Variants in NDUFAF7 observed in about 807,000 individuals in gnomAD.
NDUFAF7 encodes the protein protein arginine methyltransferase NDUFAF7, mitochondrial.
Under a neutral mutation model 47.2 loss-of-function variants are expected in NDUFAF7, and 48 were observed. The observed-to-expected ratio is 1.02, with a 90% CI of 0.81 to 1.29. The LOEUF (loss-of-function observed/expected upper bound fraction) is 1.29. Among genes scored for constraint, NDUFAF7 ranks in the 50% most tolerant of loss-of-function variants. The probability of loss-of-function intolerance (pLI) is 0.00; values close to 1 mark genes in which losing one functional copy is unlikely to be tolerated. For synonymous variants in NDUFAF7, 217 were observed against 190.0 expected, an observed-to-expected ratio of 1.14 and a Z score of -1.17; for missense variants, 635 against 537.6, an observed-to-expected ratio of 1.18 and a Z score of -1.79.
At chr2:37,232,288 G>T in intron 2 of NDUFAF7, 22 bp downstream of exon 2, 1 of 1,612,184 alleles carries the variant, frequency 6.2e-7, no homozygotes, top group Non-Finnish European at 8.5e-7. Context: ...GTAGCCCGAG[G>T]ACTAGGCCCT....
chr2:37,248,711 T>TA lies in NDUFAF7; in HGVS notation c.*364dup, dbSNP rs554726900. 1.2e-3 allele frequency: 366 copies of TA among 316,946 alleles called. 7 individuals are homozygous for TA. Among genetic ancestry groups the TA allele is most frequent in the South Asian group, 0.01 (357 of 35,352 alleles). 19.6% of individuals were successfully genotyped at this position (316,946 alleles called of 1,614,324 possible). A position where few individuals can be genotyped will look rare whatever the true frequency, so the allele number is the denominator to read the frequency against. On this transcript the variant is annotated 3_prime_UTR_variant, in exon 10 of 10. Coordinates refer to ENST00000002125, the MANE Select transcript of NDUFAF7 (RefSeq NM_144736.5). ...GGGCATATCACCTGAGGTCAGCAGT[T>TA]AAAGACCAGCCTGACCAAAATGGAG...
At chr2:37,254,156 GA>G (rs745782271), downstream of NDUFAF7, 2 of 1,379,350 alleles carry the variant, frequency 1.4e-6, no homozygotes, top group Admixed American at 3.4e-5. Context: ...AAATCAGAGT[GA>G]ACTACTCAAA....
At chr2:37,259,562 A>G in the NDUFAF7 span, 3 of 1,556,430 alleles carry the variant, frequency 1.9e-6, no homozygotes, top group Non-Finnish European at 2.6e-6. Context: ...ATCATTTAAA[A>G]GGTTCTGGAG....
chr2:37,256,686 G>T, downstream of NDUFAF7: 3 of 1,364,696 alleles, frequency 2.2e-6, no homozygotes. Flanking sequence ...TCTCTCCATG[G>T]ATTTGGTGGG....
At chr2:37,239,988 G>A (rs931686629) in intron 4 of NDUFAF7, among the ~76,000 whole-genome samples, 1 of 152,070 alleles carries the variant, frequency 6.6e-6, no homozygotes, top group Non-Finnish European at 1.5e-5. Flanking sequence ...ATCAGTCTAC[G>A]TACTATTTTA....
At chr2:37,253,803 C>A (rs988870864), downstream of NDUFAF7, among the ~76,000 whole-genome samples, 4 of 152,150 alleles carry the variant, frequency 2.6e-5, no homozygotes, top group African/African-American at 9.7e-5. Context: ...CCTCCTTACT[C>A]TGAAGTTTGG....
chr2:37,242,045 A>G, intron 5 of NDUFAF7: 1 of 530,328 alleles, frequency 1.9e-6, no homozygotes, highest in East Asian at 3.3e-5. Context: ...TGTACTTTTG[A>G]GTATTTCCCT....
chr2:37,245,113 A>T (rs1666767917), intron 7 of NDUFAF7, among the ~76,000 whole-genome samples: 1 of 152,230 alleles, frequency 6.6e-6, no homozygotes, highest in South Asian at 2.1e-4. Context: ...AGTTATATTT[A>T]ATCCTCACAA....
chr2:37,266,837 A>G, the NDUFAF7 span, among the ~76,000 whole-genome samples: 1 of 152,316 alleles, frequency 6.6e-6, no homozygotes, highest in East Asian at 1.9e-4. Context: ...TGCAAAAACT[A>G]TATAACGTAC....
At chr2:37,257,024 A>T, downstream of NDUFAF7, 1 of 1,310,004 alleles carries the variant, frequency 7.6e-7, no homozygotes, top group Non-Finnish European at 1.1e-6. Flanking sequence ...ATTTCAACAT[A>T]CTTGCCAGCT....
chr2:37,268,707 A>T, the NDUFAF7 span: 1 of 174,514 alleles, frequency 5.7e-6, no homozygotes, highest in Non-Finnish European at 1.2e-5. Flanking sequence ...AGACAAAGGG[A>T]TGGAGAAGGA....
At chr2:37,241,464 ATC>A (rs754022145) in intron 4 of NDUFAF7, 112 bp from the exon 5 acceptor site, 280 of 891,268 alleles carry the variant, frequency 3.1e-4, no homozygotes, top group Non-Finnish European at 4.4e-4. Context: ...TAAGGAACAC[ATC>A]TCTCTGAAAT....
chr2:37,249,558 G>C (rs1255726100), downstream of NDUFAF7, among the ~76,000 whole-genome samples: 8 of 128,422 alleles, frequency 6.2e-5, no homozygotes, highest in East Asian at 2.1e-4. Flanking sequence ...GCCTGTGATA[G>C]ACACACACAC....
the NDUFAF7 span, among the ~76,000 whole-genome samples, chr2:37,263,959 C>G: frequency 2.0e-5 from 3 of 152,176 alleles, no homozygotes; most frequent in Non-Finnish European, 4.4e-5. Flanking sequence ...AAATTTCCCT[C>G]TAGGTTTTTG....
intron 2 of NDUFAF7, 27 bp from the exon 3 acceptor site, chr2:37,236,069 G>A (rs561600456): frequency 6.4e-7 from 1 of 1,558,908 alleles, no homozygotes; most frequent in Non-Finnish European, 8.8e-7. Context: ...AATTAATTTT[G>A]TTTCTCTATT....
intron 2 of NDUFAF7, among the ~76,000 whole-genome samples, chr2:37,234,264 G>A (rs1465781989): frequency 6.6e-6 from 1 of 152,056 alleles, no homozygotes; most frequent in Non-Finnish European, 1.5e-5. Flanking sequence ...TAGGTTTTTT[G>A]TATTTTCAAT....
intron 3 of NDUFAF7, among the ~76,000 whole-genome samples, chr2:37,237,475 T>G (rs2148401885): frequency 6.6e-6 from 1 of 152,368 alleles, no homozygotes; most frequent in Non-Finnish European, 1.5e-5. Context: ...TTTCAAATAC[T>G]AATACCTTTC....
In NDUFAF7 at chr2:37,248,085, T is replaced by C. The variant is rs200879401; in HGVS notation, c.1111-50T>C. ...AGTCATTAGTATTGCTGCATGTAAC[T>C]AGGAATCCTGTCTTCTGGTTATTTT... is the stretch of plus-strand genomic sequence containing the variant. On this transcript the variant is annotated intron_variant, in intron 9 of 9. Coordinates refer to ENST00000002125, the MANE Select transcript of NDUFAF7 (RefSeq NM_144736.5). The C allele has an allele frequency of 3.5e-6, 5 of 1,427,964 alleles. No individual in the cohort carries two copies. The African/African-American group carries it at 5.6e-5, about 16-fold the overall frequency. 88.5% of individuals were successfully genotyped at this position (1,427,964 alleles called of 1,614,324 possible).
the NDUFAF7 span, among the ~76,000 whole-genome samples, chr2:37,263,838 C>CT: frequency 5.9e-5 from 9 of 151,944 alleles, no homozygotes; most frequent in African/African-American, 1.9e-4. Context: ...GAATTCTCAT[C>CT]TTTTTTTTAA....
Sources: allele counts gnomAD v4.1 joint callset (sites outside exome capture counted in the v4.1 genomes callset), GRCh38; gene constraint gnomAD v4.1.1; transcripts MANE v1.5; gene names NCBI Gene and HGNC (gene_info 2026-07-23, HGNC 2026-07-21).